TRPM3: variants seen among roughly 807,000 people sequenced by gnomAD.
The protein encoded by TRPM3 is transient receptor potential cation channel subfamily M member 3.
Under a neutral mutation model 181.2 loss-of-function variants are expected in TRPM3, and 77 were observed. The observed-to-expected ratio is 0.42, with a 90% CI of 0.35 to 0.51. The LOEUF is 0.51. TRPM3 is among the 20% of genes least tolerant of loss of function. The pLI is 0.01. For synonymous variants in TRPM3, 745 were observed against 796.4 expected, an observed-to-expected ratio of 0.94 and a Z score of 1.09; for missense variants, 1,759 against 2,196.7, an observed-to-expected ratio of 0.80 and a Z score of 3.98.
Position 70,759,334 on chromosome 9 carries a change from C to T in TRPM3, c.1272+2267G>A, listed in dbSNP as rs530987459. Among the ~76,000 whole-genome samples, 3 of 152,332 alleles carry T rather than the reference C, an allele frequency of 2.0e-5. No homozygotes were observed. In the East Asian group the frequency reaches 5.8e-4, roughly 29 times the overall value. ...CAATCATTAAAAAGTCAGGAAACAA[C>T]AGATGCTGGAGAGGATGTGGAGAAA... On this transcript the variant is annotated intron_variant, in intron 8 of 25. Transcript: ENST00000677713.
chr9:70,610,564 T>C, intron 19 of TRPM3, 45 bp downstream of exon 19: 11 of 1,595,902 alleles, frequency 6.9e-6, no homozygotes, highest in Non-Finnish European at 7.7e-6. Context: ...GGACGTTGGC[T>C]CCTTGTGGCC....
intron 9 of TRPM3, among the ~76,000 whole-genome samples, chr9:70,642,722 T>C (rs1260966339): frequency 6.6e-6 from 1 of 152,250 alleles, no homozygotes; most frequent in South Asian, 2.1e-4. Context: ...GGCTCTGAGA[T>C]ACTGACGTTA....
chr9:71,134,369 T>C (rs1488723356), intron 1 of TRPM3, among the ~76,000 whole-genome samples: 2 of 151,930 alleles, frequency 1.3e-5, no homozygotes, highest in Non-Finnish European at 2.9e-5. Context: ...CTGGCCAACA[T>C]GGTGAAACCC....
At chr9:71,256,966 T>A (rs376434447) in intron 1 of TRPM3, among the ~76,000 whole-genome samples, 2 of 152,184 alleles carry the variant, frequency 1.3e-5, no homozygotes, top group African/African-American at 4.8e-5. Flanking sequence ...TCATAATGTA[T>A]AAATCCTAAA....
At chr9:71,235,016 A>G (rs990907887) in intron 1 of TRPM3, among the ~76,000 whole-genome samples, 33 of 152,358 alleles carry the variant, frequency 2.2e-4, no homozygotes, top group African/African-American at 7.2e-4. Context: ...CATGAACAGC[A>G]GTTCTCCCTC....
chr9:70,592,404 C>T (rs935541557), intron 21 of TRPM3, among the ~76,000 whole-genome samples: 3 of 152,152 alleles, frequency 2.0e-5, no homozygotes, highest in Non-Finnish European at 4.4e-5. Flanking sequence ...TTGTATCTGA[C>T]GCTGAGTTCT....
rs760037768 is a variant in TRPM3, at chr9:70,863,095, A to G, written c.275T>C (p.Leu92Pro). ...KDPHRCCCGR[L>P]IGQHVGLTPS... The stretch of plus-strand genomic sequence containing the variant: ...GGTGAGGCCAACATGCTGGCCTATC[A>G]GACGCCCACAGCAACACCTATAACA... Residue 92 changes from leucine to proline, a missense_variant, in exon 3 of 26, where the codon CTG (leucine) becomes CCG (proline). Around this residue, in one of 8 missense-constraint regions of TRPM3, gnomAD observed 737 missense variants for 957.4 expected, o/e 0.77. Coordinates refer to ENST00000677713, the MANE Select transcript of TRPM3 (RefSeq NM_001366145.2). 6.2e-7 allele frequency: 1 copy of G among 1,613,374 alleles called. No homozygotes were observed. Among genetic ancestry groups the G allele is most frequent in the Non-Finnish European group, 8.5e-7 (1 of 1,179,564 alleles).
intron 21 of TRPM3, among the ~76,000 whole-genome samples, 160 bp from the exon 22 acceptor site, chr9:70,591,365 C>T (rs948618607): frequency 6.6e-6 from 1 of 152,164 alleles, no homozygotes; most frequent in African/African-American, 2.4e-5. Context: ...TAAGAAGATG[C>T]TTGGTCTGTT....
intron 6 of TRPM3, among the ~76,000 whole-genome samples, chr9:70,807,292 A>G (rs1466609650): frequency 6.6e-6 from 1 of 152,148 alleles, no homozygotes; most frequent in Admixed American, 6.5e-5. Flanking sequence ...GTATCATTAG[A>G]CTCTCTAAAT....
At chr9:71,298,617 A>G (rs1224113522) in intron 1 of TRPM3, among the ~76,000 whole-genome samples, 1 of 152,102 alleles carries the variant, frequency 6.6e-6, no homozygotes, top group Non-Finnish European at 1.5e-5. Flanking sequence ...TCTCACAATA[A>G]TAGGAATTTA....
Position 70,610,772 on chromosome 9 carries a change from C to G in TRPM3, c.2527-23G>C, listed in dbSNP as rs758995073. The G allele has an allele frequency of 8.7e-6, 14 of 1,613,196 alleles. No homozygotes were observed. The African/African-American group carries it at 1.3e-4, about 15-fold the overall frequency. ...TGCCTATGTTGGAAGAGAATCGATA[C>G]CATCATGACAGGGCTCTGGAGAGCA... is the stretch of plus-strand genomic sequence containing the variant. On this transcript the variant is annotated intron_variant, in intron 18 of 25. Transcript: ENST00000677713.
chr9:70,764,781 GC>G (rs2078785518), intron 7 of TRPM3, among the ~76,000 whole-genome samples: 1 of 152,102 alleles, frequency 6.6e-6, no homozygotes, highest in African/African-American at 2.4e-5. Context: ...TTAAATAACT[GC>G]CCTTTCTGAT....
chr9:70,826,879 T>C (rs1195157530), intron 6 of TRPM3: 1 of 152,196 alleles, frequency 6.6e-6, no homozygotes, highest in Non-Finnish European at 1.5e-5. Context: ...TAAAAACAAA[T>C]AGAATTTTAT....
intron 25 of TRPM3, among the ~76,000 whole-genome samples, chr9:70,538,172 ATTC>A (rs1216681078): frequency 2.0e-5 from 3 of 152,212 alleles, no homozygotes; most frequent in Non-Finnish European, 4.4e-5. Flanking sequence ...CAATAAGTCA[ATTC>A]TTCTACTCCT....
At chr9:70,649,561 G>A (rs559444033) in intron 9 of TRPM3, among the ~76,000 whole-genome samples, 10 of 152,126 alleles carry the variant, frequency 6.6e-5, no homozygotes, top group East Asian at 1.9e-4. Context: ...TATCACTATC[G>A]TTAGAAAAAT....
intron 1 of TRPM3, among the ~76,000 whole-genome samples, chr9:71,259,760 G>C (rs2082915140): frequency 6.6e-6 from 1 of 151,942 alleles, no homozygotes; most frequent in Non-Finnish European, 1.5e-5. Flanking sequence ...TTGTAAGTTT[G>C]TTTAAGTTCT....
intron 9 of TRPM3, among the ~76,000 whole-genome samples, chr9:70,667,453 G>T (rs1183894835): frequency 6.6e-6 from 1 of 152,140 alleles, no homozygotes; most frequent in East Asian, 1.9e-4. Flanking sequence ...TGCATTAATT[G>T]ATTTCATCTC....
At chr9:70,859,835 T>C (rs1252285140) in intron 3 of TRPM3, among the ~76,000 whole-genome samples, 1 of 152,128 alleles carries the variant, frequency 6.6e-6, no homozygotes, top group Non-Finnish European at 1.5e-5. Context: ...ACTTACTGTT[T>C]TGCTGGAGTG....
intron 1 of TRPM3, among the ~76,000 whole-genome samples, chr9:70,871,609 AG>A (rs2095791217): frequency 6.6e-6 from 1 of 152,030 alleles, no homozygotes; most frequent in African/African-American, 2.4e-5. Flanking sequence ...GATTATCTTT[AG>A]GACCCTTTGA....
Sources: allele counts gnomAD v4.1 joint callset (sites outside exome capture counted in the v4.1 genomes callset), GRCh38; gene constraint gnomAD v4.1.1; regional missense constraint gnomAD v4.1.1; transcripts MANE v1.5; gene names NCBI Gene and HGNC (gene_info 2026-07-23, HGNC 2026-07-21).